Variants in SAR1B observed in about 807,000 individuals in gnomAD.
SAR1B encodes the protein secretion associated Ras related GTPase 1B.
SAR1B carries 23 observed loss-of-function variants against 26.8 expected under a neutral mutation model. The observed-to-expected ratio is 0.86, with a 90% CI of 0.62 to 1.22. The LOEUF (loss-of-function observed/expected upper bound fraction) is 1.22, where lower values mean the gene tolerates loss of function less well. SAR1B is among the 50% of genes most tolerant of loss of function. The pLI, the probability that SAR1B is intolerant of heterozygous loss-of-function variation, is 0.00. For missense variants in SAR1B, 196 were observed against 232.8 expected (o/e 0.84, Z 1.03); for synonymous variants, 65 against 80.8 (o/e 0.80, Z 1.05).
At chr5:134,616,646 A>G (rs1301680998) in intron 3 of SAR1B, among the ~76,000 whole-genome samples, 1 of 152,174 alleles carries the variant, frequency 6.6e-6, no homozygotes, top group East Asian at 1.9e-4. Flanking sequence ...AACACTGTTA[A>G]CATCCCAGAA....
chr5:134,631,460 T>C (rs1217366375), intron 1 of SAR1B: 2 of 152,234 alleles, frequency 1.3e-5, no homozygotes, highest in Admixed American at 6.5e-5. Flanking sequence ...AGTGCCTTAC[T>C]CATAGTAGTC....
intron 2 of SAR1B, among the ~76,000 whole-genome samples, chr5:134,621,553 A>G (rs1433417076): frequency 6.6e-6 from 1 of 152,166 alleles, no homozygotes; most frequent in Non-Finnish European, 1.5e-5. Flanking sequence ...TTATAAAACC[A>G]AACTTCAACC....
At position 134,605,668 on chromosome 5, in the gene SAR1B, A is replaced by AT. The variant is rs1765114687; in HGVS notation, c.*1281_*1282insA. On this transcript the variant is annotated 3_prime_UTR_variant, in exon 7 of 7. Transcript: ENST00000402673. ...ACAAAATGAAACAGAGCAAAAAAAAAAAAAAAAAAAAAGCCCAACAAACAA... is the reference window on the plus strand; with the variant it reads ...ACAAAATGAAACAGAGCAAAAAAAAATAAAAAAAAAAAAGCCCAACAAACAA... The AT allele has an allele frequency of 6.6e-6, 1 of 151,084 alleles. No homozygotes were observed. The highest frequency in any genetic ancestry group is 2.4e-5 in the African/African-American group (1 of 41,332). 9.4% of individuals were successfully genotyped at this position (151,084 alleles called of 1,614,324 possible). A position where few individuals can be genotyped will look rare whatever the true frequency, so the allele number is the denominator to read the frequency against.
intron 3 of SAR1B, among the ~76,000 whole-genome samples, chr5:134,619,544 T>C (rs185969362): frequency 1.3e-4 from 20 of 151,638 alleles, no homozygotes; most frequent in Non-Finnish European, 2.4e-4. Flanking sequence ...TTTTTGTTTT[T>C]GTAGAGATGG....
At position 134,603,510 on chromosome 5, in the gene SAR1B, T is replaced by G. The variant is rs942283416; in HGVS notation, c.*3440A>C. On this transcript the variant is annotated 3_prime_UTR_variant, in exon 7 of 7. Transcript: ENST00000402673. ...TCCATCACTATAAAGTATGGGCCAG[T>G]TGAAAATTGGCCGGGCATGGCGGCT... 3 of 152,216 alleles carry G rather than the reference T, an allele frequency of 2.0e-5. No homozygotes were observed. The highest frequency in any genetic ancestry group is 7.2e-5 in the African/African-American group (3 of 41,450). The allele number at this position is 152,216 out of a possible 1,614,324, so 9.4% of individuals were successfully genotyped here.
In SAR1B at chr5:134,622,690, G is replaced by A. The variant is rs1013413569; in HGVS notation, c.58+1272C>T. 5.3e-5 allele frequency among the ~76,000 whole-genome samples: 8 copies of A among 151,642 alleles called. No individual in the cohort carries two copies. In the East Asian group the frequency reaches 9.8e-4, roughly 19 times the overall value. On this transcript the variant is annotated intron_variant, in intron 2 of 6. Transcript: ENST00000402673. ...CTCCAAAAGTGCTGGGATTACAGGC[G>A]TGAGCCACCGCGCCCGGCCTTAACT...
intron 4 of SAR1B, among the ~76,000 whole-genome samples, chr5:134,610,566 C>CAA (rs55682339): frequency 2.3e-4 from 9 of 39,046 alleles, no homozygotes; most frequent in African/African-American, 5.8e-4. Context: ...GACTCCGTCT[C>CAA]AAAAAAAAAA....
At chr5:134,612,583 T>G (rs1266899476) in intron 4 of SAR1B, 108 bp downstream of exon 4, 2 of 1,070,524 alleles carry the variant, frequency 1.9e-6, no homozygotes, top group East Asian at 5.7e-5. Context: ...AGGCAGAGGT[T>G]GCAGTGAGCT....
In SAR1B at chr5:134,604,874, C is replaced by T. The variant is rs976200669; in HGVS notation, c.*2076G>A. On this transcript the variant is annotated 3_prime_UTR_variant, in exon 7 of 7. Transcript: ENST00000402673. ...TCCCTGAAGGTACAGATAACATGAA[C>T]AAGAGGCAGTTATTTTTAATAAGGC... 4 of 152,028 alleles carry T rather than the reference C, an allele frequency of 2.6e-5. No homozygotes were observed. Among genetic ancestry groups the T allele is most frequent in the African/African-American group, 9.7e-5 (4 of 41,388 alleles). The allele number at this position is 152,028 out of a possible 1,614,324, so 9.4% of individuals were successfully genotyped here. A position where few individuals can be genotyped will look rare whatever the true frequency, so the allele number is the denominator to read the frequency against.
rs528214833 is a variant in SAR1B at position 134,608,369 on chromosome 5, T to C, written c.480+3A>G. 1.3e-6 allele frequency: 2 copies of C among 1,546,146 alleles called. No homozygotes were observed. Among genetic ancestry groups the C allele is most frequent in the South Asian group, 2.4e-5 (2 of 85,076 alleles). On this transcript the variant is annotated splice_donor_region_variant and intron_variant, in intron 6 of 6. Coordinates refer to ENST00000402673, the MANE Select transcript of SAR1B (RefSeq NM_016103.4). Reference sequence around the variant, plus strand: ...CCCATCATAATTTTTTTTTTTTTTTTACCTTTCCTGTTGTCTGACCATATA... The same window carrying C: ...CCCATCATAATTTTTTTTTTTTTTTCACCTTTCCTGTTGTCTGACCATATA...
At chr5:134,620,775 G>A (rs1428937843) in intron 3 of SAR1B, among the ~76,000 whole-genome samples, 158 bp downstream of exon 3, 3 of 152,104 alleles carry the variant, frequency 2.0e-5, no homozygotes, top group Admixed American at 1.3e-4. Context: ...GATGGCTTAA[G>A]CCCAGGAGAC....
chr5:134,626,070 G>A (rs1188868516), intron 1 of SAR1B, among the ~76,000 whole-genome samples: 4 of 151,726 alleles, frequency 2.6e-5, no homozygotes, highest in South Asian at 2.1e-4. Flanking sequence ...AGGCTGAGGC[G>A]GGTGGATCAC....
intron 4 of SAR1B, among the ~76,000 whole-genome samples, chr5:134,612,358 C>T (rs575959847): frequency 6.6e-5 from 10 of 151,938 alleles, no homozygotes; most frequent in Non-Finnish European, 7.4e-5. Flanking sequence ...TCTGGCCTTG[C>T]GTGACTAGAA....
At chr5:134,614,860 A>G (rs1260121869) in intron 3 of SAR1B, 2 of 152,228 alleles carry the variant, frequency 1.3e-5, no homozygotes, top group Non-Finnish European at 2.9e-5. Context: ...TCTCTCAGGA[A>G]TCACAGTCCT....
intron 1 of SAR1B, among the ~76,000 whole-genome samples, chr5:134,624,280 G>A (rs961802586): frequency 1.3e-5 from 2 of 152,076 alleles, no homozygotes; most frequent in African/African-American, 4.8e-5. Context: ...GTGGTCATGG[G>A]CCCCTGTAAT....
chr5:134,607,023 A>T lies in SAR1B; in HGVS notation c.524T>A (p.Val175Asp). 1 of 1,614,062 alleles carries T rather than the reference A, an allele frequency of 6.2e-7. No individual in the cohort carries two copies. The highest frequency in any genetic ancestry group is 8.5e-7 in the Non-Finnish European group (1 of 1,179,964). The change falls in exon 7 of 7, where the codon GTT becomes GAT. Residue 175 changes from valine to aspartate, a missense_variant. Val to Asp is a radical substitution (Grantham distance 152, BLOSUM62 -3). Coordinates refer to ENST00000402673, the MANE Select transcript of SAR1B (RefSeq NM_016103.4). ...TCTTTTGAGCACACTACACATGAAA[A>T]CTTCTAAGGGTCGGGCATTCAGTTC... is the stretch of plus-strand genomic sequence containing the variant. Reference protein sequence around the residue: ...LKELNARPLEVFMCSVLKRQG... With the variant: ...LKELNARPLEDFMCSVLKRQG...
intron 6 of SAR1B, 23 bp downstream of exon 6, chr5:134,608,349 C>T (rs900070589): frequency 4.8e-6 from 7 of 1,471,954 alleles, no homozygotes; most frequent in African/African-American, 2.8e-5. Context: ...ACACACCCAT[C>T]ATAATTTTTT....
intron 1 of SAR1B, chr5:134,625,643 G>C (rs1021299991): frequency 1.3e-5 from 2 of 152,392 alleles, no homozygotes; most frequent in African/African-American, 4.8e-5. Context: ...AAGAATTCAA[G>C]AGAAGTTCAG....
At chr5:134,628,606 A>G (rs191353165) in intron 1 of SAR1B, among the ~76,000 whole-genome samples, 25 of 152,228 alleles carry the variant, frequency 1.6e-4, no homozygotes, top group Middle Eastern at 3.4e-3. Flanking sequence ...ACCTGAGACC[A>G]GGAGTTAAAG....
Sources: allele counts gnomAD v4.1 joint callset (sites outside exome capture counted in the v4.1 genomes callset), GRCh38; gene constraint gnomAD v4.1.1; transcripts MANE v1.5; gene names NCBI Gene and HGNC (gene_info 2026-07-23, HGNC 2026-07-21).